The following PTPRN variants were observed in gnomAD, a reference collection of about 807,000 sequenced individuals.
PTPRN encodes the protein receptor-type tyrosine-protein phosphatase-like N.
PTPRN carries 70 observed loss-of-function variants against 108.5 expected under a neutral mutation model. The ratio of observed to expected loss-of-function variants is 0.65; its 90% CI spans 0.53 to 0.79. The LOEUF (loss-of-function observed/expected upper bound fraction) is 0.79, where lower values mean the gene tolerates loss of function less well. Among genes scored for constraint, PTPRN ranks in the 30% least tolerant of loss-of-function variants. The pLI is 0.00. For missense variants in PTPRN, 1,136 were observed against 1,295.5 expected (o/e 0.88, Z 1.89); for synonymous variants, 496 against 524.6 (o/e 0.95, Z 0.75).
chr2:219,293,851 C>T (rs1035078166), intron 19 of PTPRN, among the ~76,000 whole-genome samples: 1 of 152,238 alleles, frequency 6.6e-6, no homozygotes, highest in Non-Finnish European at 1.5e-5. Flanking sequence ...GGCCCCTGCC[C>T]TTGGTAGTGG....
At chr2:219,309,158 C>A (rs2125100081) in intron 1 of PTPRN, 60 bp downstream of exon 1, 2 of 1,451,712 alleles carry the variant, frequency 1.4e-6, no homozygotes, top group Non-Finnish European at 1.9e-6. Flanking sequence ...CCGAGTTTCG[C>A]TCCAGGCCCC....
In PTPRN at chr2:219,302,748, C is replaced by T. The variant is rs373811949; in HGVS notation, c.467G>A (p.Arg156Gln). 1.3e-5 allele frequency: 21 copies of T among 1,613,580 alleles called. No homozygotes were observed. Among genetic ancestry groups the T allele is most frequent in the African/African-American group, 2.7e-5 (2 of 74,998 alleles). ...TTTGCCCACTGGTGGTTGTGGAAGC[C>T]GATGCTGGGCAGCAGGGGCGGAGCC... ...PTGSAPAAQH[R>Q]LPQPPVGKGG... Residue 156 changes from arginine (R) to glutamine (Q), a missense_variant, in exon 5 of 23, where the codon CGG (arginine) becomes CAG (glutamine). Arg to Gln is a conservative substitution (Grantham distance 43, BLOSUM62 1). Transcript: ENST00000295718.
chr2:219,303,723 A>C lies in PTPRN; in HGVS notation c.377+12T>G, dbSNP rs367723671. 4.4e-6 allele frequency: 7 copies of C among 1,607,424 alleles called. No homozygotes were observed. The highest frequency in any genetic ancestry group is 5.1e-6 in the Non-Finnish European group (6 of 1,174,098). Reference sequence around the variant, plus strand: ...CTCACCATTGCTAGAGTTGTAGAGAAAGGCTGCCTACCTGTCCCTTGGACG... The same window carrying C: ...CTCACCATTGCTAGAGTTGTAGAGACAGGCTGCCTACCTGTCCCTTGGACG... On this transcript the variant is annotated intron_variant, in intron 4 of 22. Coordinates refer to ENST00000295718, the MANE Select transcript of PTPRN (RefSeq NM_002846.4).
rs1952379330 is a variant in PTPRN at position 219,302,523 on chromosome 2, GA to G, written c.640-33del. On this transcript the variant is annotated intron_variant, in intron 5 of 22. Coordinates refer to ENST00000295718, the MANE Select transcript of PTPRN (RefSeq NM_002846.4). ...AAAACCAGAGATCTGGGTAAGAGCA[GA>G]AGTCCGGGCTGAGGGACTGCGGTTG... is the stretch of plus-strand genomic sequence containing the variant. 7 of 1,613,702 alleles carry G rather than the reference GA, an allele frequency of 4.3e-6. No individual in the cohort carries two copies. In the South Asian group the frequency reaches 7.7e-5, roughly 18 times the overall value.
chr2:219,297,710 C>T lies in PTPRN; in HGVS notation c.1887+175G>A, dbSNP rs568177233. On this transcript the variant is annotated intron_variant, in intron 13 of 22. Transcript: ENST00000295718. The surrounding 1 kb of genome is among the most constrained non-coding windows in gnomAD (Gnocchi z 6.0). ...GCACTGTATGCTCCCAATTCCCATG[C>T]GTTCATAAAGGCCCCTACCATACTC... is the stretch of plus-strand genomic sequence containing the variant. Among the ~76,000 whole-genome samples the T allele has an allele frequency of 5.3e-5, 8 of 152,268 alleles. No individual in the cohort carries two copies. The South Asian group carries it at 1.5e-3, about 28-fold the overall frequency.
Position 219,309,202 on chromosome 2 carries a change from CA to C in PTPRN, c.115+15del. ...CCCCGCCCCCCACCACCCGCCAGCCCAAGTTTCCTCCTGACCGTGGGCACTA... is the reference window on the plus strand; with the variant it reads ...CCCCGCCCCCCACCACCCGCCAGCCCAGTTTCCTCCTGACCGTGGGCACTA... On this transcript the variant is annotated intron_variant, in intron 1 of 22. Transcript: ENST00000295718. The C allele has an allele frequency of 6.6e-7, 1 of 1,516,608 alleles. No homozygotes were observed. The highest frequency in any genetic ancestry group is 8.9e-7 in the Non-Finnish European group (1 of 1,126,000). 93.9% of individuals were successfully genotyped at this position (1,516,608 alleles called of 1,614,324 possible).
chr2:219,292,580 A>C, intron 19 of PTPRN: 1 of 152,164 alleles, frequency 6.6e-6, no homozygotes, highest in Non-Finnish European at 1.5e-5. Context: ...GAGTAATCAC[A>C]ATAGTTGTTT....
In PTPRN at chr2:219,297,457, G is replaced by A. The variant is rs1265577528; in HGVS notation, c.1888-24C>T. ...TCCTGTGGAGGAAGAATCAGGTGAG[G>A]TCCAAGAGTCCCCTGAAACTTTTCA... On this transcript the variant is annotated intron_variant, in intron 13 of 22. Transcript: ENST00000295718. The surrounding 1 kb of genome is among the most constrained non-coding windows in gnomAD (Gnocchi z 6.0). 1.9e-6 allele frequency: 3 copies of A among 1,610,702 alleles called. No homozygotes were observed. Among genetic ancestry groups the A allele is most frequent in the African/African-American group, 1.3e-5 (1 of 74,880 alleles).
Position 219,290,138 on chromosome 2 carries a change from G to T in PTPRN, c.*88C>A, listed in dbSNP as rs1313030067. On this transcript the variant is annotated 3_prime_UTR_variant, in exon 23 of 23. Coordinates refer to ENST00000295718, the MANE Select transcript of PTPRN (RefSeq NM_002846.4). The surrounding 1 kb of genome is among the most constrained non-coding windows in gnomAD (Gnocchi z 4.2). ...GCTGAGCATGCCCAAGAGGTGGCTG[G>T]TGGGGCAGTGAGGAGTGGGTACACA... 2.0e-5 allele frequency: 25 copies of T among 1,239,434 alleles called. No homozygotes were observed. In the Admixed American group the frequency reaches 3.8e-4, roughly 19 times the overall value. 76.8% of individuals were successfully genotyped at this position (1,239,434 alleles called of 1,614,324 possible). A position where few individuals can be genotyped will look rare whatever the true frequency, so the allele number is the denominator to read the frequency against.
At position 219,297,973 on chromosome 2, in the gene PTPRN, A is replaced by T; in HGVS notation, c.1799T>A (p.Val600Glu). Residue 600 changes from valine (V) to glutamate (E), a missense_variant, in exon 13 of 23, where the codon GTG becomes GAG. By Grantham distance (121) the Val-to-Glu change is moderately radical. Coordinates refer to ENST00000295718, the MANE Select transcript of PTPRN (RefSeq NM_002846.4). This position sits in a 1 kb window ranked among gnomAD's most constrained non-coding sequence, Gnocchi z 6.0. ...GTCTTGCTGCCGCGCATGCTGCCGC[A>T]CACACAGAGCCACAGCCAGAGCCAC... ...LLVALAVALC[V>E]RQHARQQDKE... 1 of 1,613,860 alleles carries T rather than the reference A, an allele frequency of 6.2e-7. No homozygotes were observed. Among genetic ancestry groups the T allele is most frequent in the Non-Finnish European group, 8.5e-7 (1 of 1,179,984 alleles).
rs1020366240 is a variant in PTPRN at position 219,291,040 on chromosome 2, G to A, written c.2730-150C>T. The A allele has an allele frequency of 4.1e-6, 3 of 735,394 alleles. No individual in the cohort carries two copies. The African/African-American group carries it at 5.2e-5, about 13-fold the overall frequency. 45.6% of individuals were successfully genotyped at this position (735,394 alleles called of 1,614,324 possible). On this transcript the variant is annotated intron_variant, in intron 20 of 22. Coordinates refer to ENST00000295718, the MANE Select transcript of PTPRN (RefSeq NM_002846.4). ...TGGAGAGGGACAGTGAGCCGAGGAT[G>A]AAGGAAAGCTCATAGCACCTGCACG...
In PTPRN at chr2:219,290,308, G is replaced by A; in HGVS notation, c.2869-11C>T. 1 of 1,613,000 alleles carries A rather than the reference G, an allele frequency of 6.2e-7. No homozygotes were observed. Among genetic ancestry groups the A allele is most frequent in the Non-Finnish European group, 8.5e-7 (1 of 1,179,250 alleles). On this transcript the variant is annotated splice_polypyrimidine_tract_variant and intron_variant, in intron 22 of 22. Coordinates refer to ENST00000295718, the MANE Select transcript of PTPRN (RefSeq NM_002846.4). The surrounding 1 kb of genome is among the most constrained non-coding windows in gnomAD (Gnocchi z 4.2). ...AAATTCAAACTGGTCCTGAGGAAGGGCAGTGGTAGGATGGTCATGGAGAGG... is the reference window on the plus strand; with the variant it reads ...AAATTCAAACTGGTCCTGAGGAAGGACAGTGGTAGGATGGTCATGGAGAGG...
Position 219,296,832 on chromosome 2 carries a change from C to A in PTPRN, c.2237-10G>T. On this transcript the variant is annotated splice_polypyrimidine_tract_variant and intron_variant, in intron 15 of 22. Coordinates refer to ENST00000295718, the MANE Select transcript of PTPRN (RefSeq NM_002846.4). This position sits in a 1 kb window ranked among gnomAD's most constrained non-coding sequence, Gnocchi z 6.0. ...ATGCGGGCATGGTCATCTGCACAGA[C>A]CCGACACCCCACCCCAGATGGCCCT... 1.9e-6 allele frequency: 3 copies of A among 1,614,094 alleles called. No homozygotes were observed. Among genetic ancestry groups the A allele is most frequent in the Non-Finnish European group, 1.7e-6 (2 of 1,179,998 alleles).
intron 4 of PTPRN, 58 bp downstream of exon 4, chr2:219,303,677 G>A: frequency 6.6e-7 from 1 of 1,509,666 alleles, no homozygotes; most frequent in Non-Finnish European, 9.2e-7. Context: ...CATCAATTAG[G>A]ACAACCACAG....
intron 1 of PTPRN, 42 bp downstream of exon 1, chr2:219,309,176 T>TCCCCCCCCC: frequency 6.6e-6 from 9 of 1,364,292 alleles, no homozygotes; most frequent in Non-Finnish European, 7.0e-6. Flanking sequence ...CCCAAGCTGC[T>TCCCCCCCCC]CCCCGCCCCC....
In PTPRN at chr2:219,290,580, C is replaced by T; in HGVS notation, c.2826G>A (p.Leu942=). The T allele has an allele frequency of 6.4e-7, 1 of 1,551,792 alleles. No individual in the cohort carries two copies. The highest frequency in any genetic ancestry group is 8.7e-7 in the Non-Finnish European group (1 of 1,147,038). ...CAGGCCGCTGGTCACGGACATGCTC[C>T]AGGGTGGCAGCGATGTCAATCTCCT... ...GVKEIDIAAT[L]EHVRDQRPGL... is the part of the protein sequence containing the mutation. Residue 942 remains leucine, a synonymous_variant, in exon 22 of 23, where the codon CTG becomes CTA. Coordinates refer to ENST00000295718, the MANE Select transcript of PTPRN (RefSeq NM_002846.4). This position sits in a 1 kb window ranked among gnomAD's most constrained non-coding sequence, Gnocchi z 4.2.
At chr2:219,303,886 G>A (rs759020784) in intron 3 of PTPRN, 55 bp from the exon 4 acceptor site, 3 of 1,321,020 alleles carry the variant, frequency 2.3e-6, no homozygotes, top group Non-Finnish European at 2.1e-6. Flanking sequence ...ATCCAGTAAC[G>A]GGGACCACTG....
At chr2:219,299,927 C>A in intron 9 of PTPRN, 58 bp downstream of exon 9, 1 of 1,600,610 alleles carries the variant, frequency 6.2e-7, no homozygotes, top group South Asian at 1.1e-5. Context: ...TGCTTCTGGC[C>A]AGGCAGGCCA....
Position 219,302,258 on chromosome 2 carries a change from GGCCCT to G in PTPRN, c.868_872del (p.Arg290GlnfsTer22). On this transcript the variant is annotated frameshift_variant, in exon 6 of 23. Coordinates refer to ENST00000295718, the MANE Select transcript of PTPRN (RefSeq NM_002846.4). LOFTEE classifies it high-confidence loss of function. ...CTTGCTCTGGCAGCCTTGGCACCCT[GGCCCT>G]GCTGGGTGCTGGCAACTCCTGGGCC... 6.2e-7 allele frequency: 1 copy of G among 1,614,182 alleles called. No homozygotes were observed. The highest frequency in any genetic ancestry group is 8.5e-7 in the Non-Finnish European group (1 of 1,180,030).
Sources: allele counts gnomAD v4.1 joint callset (sites outside exome capture counted in the v4.1 genomes callset), GRCh38; gene constraint gnomAD v4.1.1; non-coding constraint Gnocchi (gnomAD v3.1); transcripts MANE v1.5; gene names NCBI Gene and HGNC (gene_info 2026-07-23, HGNC 2026-07-21).